Variants in PIK3C2A observed in about 807,000 individuals in gnomAD.
The protein encoded by PIK3C2A is phosphatidylinositol-4-phosphate 3-kinase catalytic subunit type 2 alpha, also known as phosphatidylinositol 4-phosphate 3-kinase C2 domain-containing subunit alpha.
Under a neutral mutation model 204.5 loss-of-function variants are expected in PIK3C2A, and 97 were observed. The observed-to-expected ratio is 0.47, with a 90% confidence interval of 0.40 to 0.56. PIK3C2A has a LOEUF of 0.56. PIK3C2A is among the 20% of genes least tolerant of loss of function. PIK3C2A has a pLI of 0.00. For missense variants in PIK3C2A, 1,735 were observed against 1,969.2 expected (o/e 0.88, Z 2.25); for synonymous variants, 653 against 664.4 (o/e 0.98, Z 0.26).
At chr11:17,186,492 T>C (rs540838038) in intron 1 of PIK3C2A, among the ~76,000 whole-genome samples, 3 of 152,206 alleles carry the variant, frequency 2.0e-5, no homozygotes, top group South Asian at 2.1e-4. Flanking sequence ...GAAATTAATA[T>C]GGAACAAAAA....
rs546789867 is a variant in PIK3C2A, at chr11:17,090,658, T to C, written c.4878+676A>G. 7.2e-4 allele frequency among the ~76,000 whole-genome samples: 109 copies of C among 152,228 alleles called. 1 individual carries two copies. The South Asian group carries it at 0.021, about 30-fold the overall frequency. On this transcript the variant is annotated intron_variant, in intron 32 of 32. Transcript: ENST00000691414. ...TAAGGTCTATGAGGGCTCTATTTTA[T>C]ATCATTTTGTTAAATACTATTGGAC...
At chr11:17,095,610 A>AAAT (rs1565236143) in intron 27 of PIK3C2A, among the ~76,000 whole-genome samples, 4 of 151,158 alleles carry the variant, frequency 2.6e-5, no homozygotes, top group African/African-American at 9.7e-5. Context: ...AAAAAATAAA[A>AAAT]AAATAAATAA....
intron 27 of PIK3C2A, among the ~76,000 whole-genome samples, chr11:17,095,692 T>C (rs1371455696): frequency 6.6e-6 from 1 of 151,864 alleles, no homozygotes; most frequent in Non-Finnish European, 1.5e-5. Flanking sequence ...AGTGGATTAC[T>C]TGGGGCCAGG....
intron 22 of PIK3C2A, among the ~76,000 whole-genome samples, chr11:17,108,247 A>G (rs1327249305): frequency 6.6e-6 from 1 of 152,252 alleles, no homozygotes; most frequent in Non-Finnish European, 1.5e-5. Flanking sequence ...ATTGAAAAGT[A>G]GTGTATCAAA....
chr11:17,136,974 T>C (rs559979869), intron 8 of PIK3C2A, among the ~76,000 whole-genome samples: 1 of 152,188 alleles, frequency 6.6e-6, no homozygotes, highest in African/African-American at 2.4e-5. Context: ...AAAATAACCC[T>C]TCTCTTCCTC....
At chr11:17,107,051 T>C (rs922226371) in intron 22 of PIK3C2A, among the ~76,000 whole-genome samples, 3 of 152,132 alleles carry the variant, frequency 2.0e-5, no homozygotes, top group Non-Finnish European at 2.9e-5. Context: ...TGGTGGCTCA[T>C]GCCTGTAATC....
intron 18 of PIK3C2A, among the ~76,000 whole-genome samples, chr11:17,117,992 C>T (rs558832195): frequency 1.1e-3 from 167 of 152,002 alleles, no homozygotes; most frequent in African/African-American, 3.8e-3. Flanking sequence ...GGATTACAGG[C>T]GTGAGCCACC....
Position 17,148,723 on chromosome 11 carries a change from T to C in PIK3C2A, c.1392A>G (p.Gln464=), listed in dbSNP as rs1425408569. ...TTAGAACATAGCTGCCAACATCTAC[T>C]TGATTCAAGTCATCATGTACCCAGC... ...ALCWVHDDLN[Q]VDVGSYVLKV... is the part of the protein sequence containing the mutation. The change falls in exon 5 of 33, where the codon CAA becomes CAG. Residue 464 remains glutamine, a synonymous_variant. Coordinates refer to ENST00000691414, the MANE Select transcript of PIK3C2A (RefSeq NM_002645.4). 4 of 1,612,204 alleles carry C rather than the reference T, an allele frequency of 2.5e-6. No individual in the cohort carries two copies. The highest frequency in any genetic ancestry group is 2.5e-6 in the Non-Finnish European group (3 of 1,178,564).
chr11:17,145,197 G>A (rs892175867), intron 8 of PIK3C2A, among the ~76,000 whole-genome samples: 1 of 152,150 alleles, frequency 6.6e-6, no homozygotes, highest in Non-Finnish European at 1.5e-5. Flanking sequence ...GCATGATTGT[G>A]TTTTGAAATG....
intron 12 of PIK3C2A, 105 bp downstream of exon 12, chr11:17,131,811 A>G: frequency 1.2e-6 from 1 of 861,084 alleles, no homozygotes; most frequent in Non-Finnish European, 1.9e-6. Context: ...GAAGTTAATG[A>G]ATTTCAATGA....
chr11:17,191,670 T>C (rs765242234), intron 1 of PIK3C2A, among the ~76,000 whole-genome samples: 3 of 152,172 alleles, frequency 2.0e-5, no homozygotes, highest in Non-Finnish European at 4.4e-5. Context: ...GGCATCTTTT[T>C]AGCAAGTTAT....
chr11:17,174,404 G>A (rs1851273954), intron 1 of PIK3C2A, among the ~76,000 whole-genome samples: 2 of 80,286 alleles, frequency 2.5e-5, no homozygotes, highest in African/African-American at 5.1e-5. Context: ...TGGCTAAAAC[G>A]GTGAAACCCC....
At chr11:17,104,931 G>A (rs1848758761) in intron 23 of PIK3C2A, among the ~76,000 whole-genome samples, 1 of 151,962 alleles carries the variant, frequency 6.6e-6, no homozygotes, top group Admixed American at 6.6e-5. Flanking sequence ...CTGTTTTGCT[G>A]GCCTCTAAGT....
intron 1 of PIK3C2A, among the ~76,000 whole-genome samples, chr11:17,196,454 T>C (rs554210400): frequency 1.2e-3 from 176 of 152,314 alleles, no homozygotes; most frequent in African/African-American, 4.1e-3. Context: ...GCAATGGAAA[T>C]GTTAAGAAGT....
In PIK3C2A at chr11:17,188,409, A is replaced by G. The variant is rs1436078954; in HGVS notation, c.-65-18603T>C. On this transcript the variant is annotated intron_variant, in intron 1 of 32. Transcript: ENST00000691414. Reference sequence around the variant, plus strand: ...ACACCTAATGAATTAAATTTCAGAAAGTGATAGCCCTTTAATAGAGAGAGA... The same window carrying G: ...ACACCTAATGAATTAAATTTCAGAAGGTGATAGCCCTTTAATAGAGAGAGA... 2.0e-5 allele frequency among the ~76,000 whole-genome samples: 3 copies of G among 146,914 alleles called. No individual in the cohort carries two copies. In the East Asian group the frequency reaches 5.8e-4, roughly 28 times the overall value.
intron 13 of PIK3C2A, among the ~76,000 whole-genome samples, chr11:17,123,020 AAGAG>A (rs367974238): frequency 6.6e-6 from 1 of 152,160 alleles, no homozygotes; most frequent in African/African-American, 2.4e-5. Context: ...GGTGGGAACA[AAGAG>A]AGGGAGAATT....
chr11:17,094,239 A>C (rs1267792646), intron 28 of PIK3C2A, 22 bp downstream of exon 28: 1 of 1,566,598 alleles, frequency 6.4e-7, no homozygotes, highest in African/African-American at 1.4e-5. Flanking sequence ...AAAAGGATTA[A>C]TGTACAAGGA....
intron 11 of PIK3C2A, among the ~76,000 whole-genome samples, chr11:17,134,601 T>C (rs748227826): frequency 2.0e-5 from 3 of 152,212 alleles, no homozygotes; most frequent in African/African-American, 4.8e-5. Flanking sequence ...CCTCAGGTGA[T>C]CCACCCGCTT....
chr11:17,171,102 C>CA (rs1851141895), intron 1 of PIK3C2A, among the ~76,000 whole-genome samples: 1 of 150,968 alleles, frequency 6.6e-6, no homozygotes, highest in African/African-American at 2.4e-5. Context: ...GACTCCGTCT[C>CA]AAAAAAAATA....
Sources: allele counts gnomAD v4.1 joint callset (sites outside exome capture counted in the v4.1 genomes callset), GRCh38; gene constraint gnomAD v4.1.1; transcripts MANE v1.5; gene names NCBI Gene and HGNC (gene_info 2026-07-23, HGNC 2026-07-21).